Variants in PPP1R9A observed in about 807,000 individuals in gnomAD.
PPP1R9A encodes the protein neurabin-1.
A neutral mutation model predicts 141.9 loss-of-function variants in PPP1R9A; 59 were observed. That is an observed-to-expected ratio of 0.42 (90% confidence interval 0.34 to 0.52). PPP1R9A has a LOEUF of 0.52. Among genes scored for constraint, PPP1R9A ranks in the 20% least tolerant of loss-of-function variants. The pLI is 0.10. For synonymous variants in PPP1R9A, 500 were observed against 569.7 expected, an observed-to-expected ratio of 0.88 and a Z score of 1.74; for missense variants, 1,444 against 1,611.9, an observed-to-expected ratio of 0.90 and a Z score of 1.78.
intron 4 of PPP1R9A, among the ~76,000 whole-genome samples, chr7:95,121,448 T>C (rs1822552371): frequency 8.2e-6 from 1 of 122,664 alleles, no homozygotes; most frequent in South Asian, 2.8e-4. Context: ...TATTTGTCTG[T>C]CTGTCTGTCT....
chr7:95,284,027 A>G lies in PPP1R9A; in HGVS notation c.3306A>G (p.Arg1102=). Residue 1102 remains arginine, a synonymous_variant, in exon 17 of 20, where the codon AGA becomes AGG. Coordinates refer to ENST00000433360, the MANE Select transcript of PPP1R9A (RefSeq NM_001166160.2). ...SRFSAGSRIF[R]GRLENWTPKP... ...TCTTTTCACAAAACAGGATCTTCAG[A>G]GGCAGACTGGAAAACTGGACACCCA... The G allele has an allele frequency of 6.3e-7, 1 of 1,592,908 alleles. No homozygotes were observed. The highest frequency in any genetic ancestry group is 1.7e-5 in the Admixed American group (1 of 59,324).
chr7:95,223,589 A>T (rs1794747214), intron 7 of PPP1R9A, among the ~76,000 whole-genome samples: 1 of 152,090 alleles, frequency 6.6e-6, no homozygotes, highest in African/African-American at 2.4e-5. Flanking sequence ...ACATATTTAT[A>T]TTAATTCTCT....
chr7:95,042,954 C>A (rs1224983991), intron 2 of PPP1R9A, among the ~76,000 whole-genome samples: 2 of 151,624 alleles, frequency 1.3e-5, no homozygotes, highest in African/African-American at 4.8e-5. Flanking sequence ...ATTTTAGGTA[C>A]TCCATTTGCT....
intron 2 of PPP1R9A, among the ~76,000 whole-genome samples, chr7:95,043,464 C>T (rs1464252038): frequency 6.6e-6 from 1 of 152,138 alleles, no homozygotes; most frequent in Non-Finnish European, 1.5e-5. Flanking sequence ...GGAAGGGCCC[C>T]AGATGGGGAA....
chr7:95,095,615 G>A (rs1024477081), intron 2 of PPP1R9A, among the ~76,000 whole-genome samples: 2 of 152,186 alleles, frequency 1.3e-5, no homozygotes, highest in Non-Finnish European at 2.9e-5. Flanking sequence ...TCCAGAATTG[G>A]TCAATTACAT....
chr7:95,017,899 A>T (rs1805331169), intron 2 of PPP1R9A, among the ~76,000 whole-genome samples: 1 of 152,214 alleles, frequency 6.6e-6, no homozygotes, highest in East Asian at 1.9e-4. Context: ...TTTGTTCTAG[A>T]CTATCTTTCC....
At chr7:95,106,635 A>G (rs1819551366) in intron 2 of PPP1R9A, among the ~76,000 whole-genome samples, 1 of 152,218 alleles carries the variant, frequency 6.6e-6, no homozygotes, top group African/African-American at 2.4e-5. Flanking sequence ...ACTTCTTTTG[A>G]AATACATCTT....
chr7:95,185,369 T>C (rs1455375088), intron 5 of PPP1R9A, among the ~76,000 whole-genome samples: 2 of 103,754 alleles, frequency 1.9e-5, no homozygotes, highest in East Asian at 6.1e-4. Flanking sequence ...TAGCCCACTT[T>C]TTTATGGGAT....
chr7:95,065,937 C>T (rs1331798506), intron 2 of PPP1R9A, among the ~76,000 whole-genome samples: 1 of 152,092 alleles, frequency 6.6e-6, no homozygotes, highest in East Asian at 1.9e-4. Flanking sequence ...ACTTTTTCAT[C>T]CTACAAAGAG....
At chr7:94,923,405 A>T (rs1055349758) in intron 2 of PPP1R9A, among the ~76,000 whole-genome samples, 1 of 152,202 alleles carries the variant, frequency 6.6e-6, no homozygotes, top group African/African-American at 2.4e-5. Context: ...GTCTTAGATT[A>T]TTGAGCCTCA....
At chr7:95,151,526 A>G (rs1467160116) in intron 4 of PPP1R9A, among the ~76,000 whole-genome samples, 1 of 152,206 alleles carries the variant, frequency 6.6e-6, no homozygotes, top group African/African-American at 2.4e-5. Flanking sequence ...ACCATTCTGT[A>G]TGATACTATA....
At chr7:95,197,897 C>T (rs972234015) in intron 5 of PPP1R9A, among the ~76,000 whole-genome samples, 1 of 152,198 alleles carries the variant, frequency 6.6e-6, no homozygotes. Context: ...GATCCACCCA[C>T]CTTTGCCTCC....
intron 5 of PPP1R9A, among the ~76,000 whole-genome samples, chr7:95,175,566 A>C (rs763089384): frequency 6.6e-6 from 1 of 152,016 alleles, no homozygotes; most frequent in Admixed American, 6.6e-5. Flanking sequence ...ACTCTGGAAA[A>C]AGGATTAGAT....
intron 2 of PPP1R9A, among the ~76,000 whole-genome samples, chr7:94,938,561 CTCTTA>C (rs917765516): frequency 5.9e-5 from 9 of 151,858 alleles, no homozygotes; most frequent in Non-Finnish European, 1.0e-4. Flanking sequence ...TCATTGCTAG[CTCTTA>C]TCTTTTTTTT....
intron 2 of PPP1R9A, among the ~76,000 whole-genome samples, chr7:94,967,638 T>C (rs1467064861): frequency 6.6e-6 from 1 of 152,126 alleles, no homozygotes; most frequent in Admixed American, 6.6e-5. Context: ...TGAGTGAGTT[T>C]CTTTTTTTTT....
intron 4 of PPP1R9A, among the ~76,000 whole-genome samples, chr7:95,148,968 A>G (rs1828152083): frequency 1.3e-5 from 2 of 152,090 alleles, no homozygotes; most frequent in African/African-American, 4.8e-5. Context: ...ATATATCAAT[A>G]TGTATATTGA....
intron 12 of PPP1R9A, among the ~76,000 whole-genome samples, chr7:95,261,104 C>G (rs921289661): frequency 3.9e-5 from 6 of 152,088 alleles, no homozygotes; most frequent in Non-Finnish European, 7.4e-5. Context: ...GAAGATGCTA[C>G]CCAGTGTGGT....
chr7:95,042,684 A>G (rs1809428100), intron 2 of PPP1R9A, among the ~76,000 whole-genome samples: 1 of 152,182 alleles, frequency 6.6e-6, no homozygotes, highest in Non-Finnish European at 1.5e-5. Flanking sequence ...TGATGTGTTG[A>G]TCTAAAGTAA....
At chr7:94,917,016 A>G (rs1792156913) in intron 2 of PPP1R9A, among the ~76,000 whole-genome samples, 1 of 152,104 alleles carries the variant, frequency 6.6e-6, no homozygotes, top group African/African-American at 2.4e-5. Flanking sequence ...GGTTTTTACC[A>G]TGTTGGCCAG....
Sources: gnomAD v4.1 joint callset for allele counts (sites outside exome capture counted in the v4.1 genomes callset) on GRCh38, gnomAD v4.1.1 for gene constraint, MANE v1.5 for transcripts, NCBI Gene and HGNC (gene_info 2026-07-23, HGNC 2026-07-21) for gene names.